The following SLC30A7 variants were observed in gnomAD, a reference collection of about 807,000 sequenced individuals.
SLC30A7 encodes zinc transporter 7.
Under a neutral mutation model 46.0 loss-of-function variants are expected in SLC30A7, and 35 were observed. The ratio of observed to expected loss-of-function variants is 0.76; its 90% CI spans 0.58 to 1.01. The LOEUF is 1.01. Ranked by LOEUF, SLC30A7 falls within the 50% of genes least tolerant of loss-of-function variation. The pLI, the probability that SLC30A7 is intolerant of heterozygous loss-of-function variation, is 0.00. For synonymous variants in SLC30A7, 147 were observed against 157.8 expected (o/e 0.93, Z 0.51); for missense variants, 464 against 451.1 (o/e 1.03, Z -0.26).
At chr1:100,939,681 A>C (rs1335826517) in intron 8 of SLC30A7, among the ~76,000 whole-genome samples, 1 of 151,472 alleles carries the variant, frequency 6.6e-6, no homozygotes, top group Non-Finnish European at 1.5e-5. Flanking sequence ...CTTAAAAAAA[A>C]AAAAAAAAAT....
intron 6 of SLC30A7, among the ~76,000 whole-genome samples, chr1:100,917,234 A>G (rs972498986): frequency 3.3e-5 from 5 of 152,210 alleles, no homozygotes; most frequent in African/African-American, 1.2e-4. Flanking sequence ...TGGATTTTTC[A>G]GGGTAGCTAC....
intron 9 of SLC30A7, among the ~76,000 whole-genome samples, chr1:100,964,356 A>ATG (rs1655746379): frequency 4.5e-4 from 63 of 141,426 alleles, no homozygotes; most frequent in African/African-American, 1.6e-3. Flanking sequence ...ATACATATAC[A>ATG]TATGTATATG....
intron 8 of SLC30A7, among the ~76,000 whole-genome samples, chr1:100,943,936 A>C (rs1429766666): frequency 2.0e-5 from 3 of 152,272 alleles, no homozygotes; most frequent in Non-Finnish European, 4.4e-5. Context: ...ATATAATCTA[A>C]ATGTTTTCAT....
At chr1:100,929,983 A>G (rs905321443) in intron 8 of SLC30A7, among the ~76,000 whole-genome samples, 3 of 152,076 alleles carry the variant, frequency 2.0e-5, no homozygotes, top group African/African-American at 7.2e-5. Flanking sequence ...TGTAGCTTTG[A>G]ATCTCACTGC....
chr1:100,932,576 T>A (rs1302748068), intron 8 of SLC30A7, among the ~76,000 whole-genome samples: 2 of 152,194 alleles, frequency 1.3e-5, no homozygotes, highest in African/African-American at 4.8e-5. Flanking sequence ...TATGTGTAGG[T>A]CTGTGATTAA....
At chr1:100,995,117 G>C in the SLC30A7 span, 1 of 1,576,306 alleles carries the variant, frequency 6.3e-7, no homozygotes, top group Non-Finnish European at 8.7e-7. Flanking sequence ...TACTTGATTA[G>C]ATTTTCCAAA....
At chr1:100,914,667 CT>C (rs1652362904) in intron 6 of SLC30A7, among the ~76,000 whole-genome samples, 1 of 152,034 alleles carries the variant, frequency 6.6e-6, no homozygotes, top group Admixed American at 6.5e-5. Flanking sequence ...ATAGAAGCTG[CT>C]TGGGTGACAC....
At chr1:100,898,354 C>A (rs1396132885) in intron 2 of SLC30A7, among the ~76,000 whole-genome samples, 2 of 152,074 alleles carry the variant, frequency 1.3e-5, no homozygotes, top group African/African-American at 4.8e-5. Flanking sequence ...TTACCAGAAC[C>A]ATTATTTTTT....
intron 7 of SLC30A7, among the ~76,000 whole-genome samples, chr1:100,918,657 T>C (rs1173777749): frequency 6.6e-6 from 1 of 152,154 alleles, no homozygotes; most frequent in East Asian, 1.9e-4. Flanking sequence ...CTTGCCTACC[T>C]TAAATGTGCT....
intron 10 of SLC30A7, among the ~76,000 whole-genome samples, chr1:100,973,307 T>C (rs1656263217): frequency 6.6e-6 from 1 of 152,134 alleles, no homozygotes; most frequent in South Asian, 2.1e-4. Context: ...TCACTCTGAT[T>C]TTTTTCCTAT....
At chr1:100,993,559 AATATATATATATATATAT>A in the SLC30A7 span, among the ~76,000 whole-genome samples, 623 of 56,550 alleles carry the variant, frequency 0.011, 39 homozygotes, top group African/African-American at 0.031. Context: ...CGAAAATATA[AATATATATATATATATAT>A]ATATATATAT....
chr1:100,896,126 G>A lies in SLC30A7; in HGVS notation c.-137G>A, dbSNP rs1650898187. The A allele has an allele frequency of 1.4e-6, 1 of 733,284 alleles. No homozygotes were observed. The highest frequency in any genetic ancestry group is 2.1e-5 in the Admixed American group (1 of 47,978). The allele number at this position is 733,284 out of a possible 1,614,324, so 45.4% of individuals were successfully genotyped here. A position where few individuals can be genotyped will look rare whatever the true frequency, so the allele number is the denominator to read the frequency against. ...AATTCCCGGGTGTGTGTCTGTGTCTGTCTGTGTCTCGCAGCGGCGCGCGGC... is the reference window on the plus strand; with the variant it reads ...AATTCCCGGGTGTGTGTCTGTGTCTATCTGTGTCTCGCAGCGGCGCGCGGC... On this transcript the variant is annotated 5_prime_UTR_variant, in exon 1 of 11. Coordinates refer to ENST00000357650, the MANE Select transcript of SLC30A7 (RefSeq NM_133496.5).
downstream of SLC30A7, among the ~76,000 whole-genome samples, chr1:100,985,835 A>G (rs912831486): frequency 2.0e-5 from 3 of 152,250 alleles, no homozygotes; most frequent in African/African-American, 7.2e-5. Context: ...GGATTTAATC[A>G]AAATTTAAAA....
At chr1:100,953,513 G>A (rs965334834) in intron 8 of SLC30A7, among the ~76,000 whole-genome samples, 1 of 152,110 alleles carries the variant, frequency 6.6e-6, no homozygotes, top group African/African-American at 2.4e-5. Context: ...ACAAGGTCCT[G>A]TTTCTTGACT....
intron 3 of SLC30A7, among the ~76,000 whole-genome samples, chr1:100,910,830 A>T (rs1489344557): frequency 2.0e-5 from 3 of 152,054 alleles, no homozygotes; most frequent in Non-Finnish European, 2.9e-5. Flanking sequence ...AGATCTTTGG[A>T]TTGGCTTGTA....
intron 3 of SLC30A7, among the ~76,000 whole-genome samples, chr1:100,909,922 G>T (rs1399187420): frequency 1.3e-5 from 2 of 151,928 alleles, no homozygotes; most frequent in Non-Finnish European, 2.9e-5. Flanking sequence ...AGTGTAGGCT[G>T]TGGAATGCTG....
intron 2 of SLC30A7, among the ~76,000 whole-genome samples, chr1:100,899,881 C>T (rs1651192922): frequency 6.6e-6 from 1 of 151,068 alleles, no homozygotes; most frequent in African/African-American, 2.4e-5. Context: ...AAAATTTTAT[C>T]ACATGGTCAT....
At chr1:100,919,644 G>A (rs1229536606) in intron 7 of SLC30A7, among the ~76,000 whole-genome samples, 1 of 151,974 alleles carries the variant, frequency 6.6e-6, no homozygotes, top group Admixed American at 6.6e-5. Context: ...ATTTAATTTT[G>A]AAAGTCATCA....
At chr1:100,985,224 C>T (rs1261682541), downstream of SLC30A7, among the ~76,000 whole-genome samples, 1 of 152,134 alleles carries the variant, frequency 6.6e-6, no homozygotes, top group African/African-American at 2.4e-5. Context: ...CAGAATTTCT[C>T]AAGGAGAGGA....
Sources: gnomAD v4.1 joint callset for allele counts (sites outside exome capture counted in the v4.1 genomes callset) on GRCh38, gnomAD v4.1.1 for gene constraint, MANE v1.5 for transcripts, NCBI Gene and HGNC (gene_info 2026-07-23, HGNC 2026-07-21) for gene names.